Variants in DPH6 observed in about 807,000 individuals in gnomAD.
DPH6 encodes diphthamine biosynthesis 6.
In DPH6, 33 loss-of-function variants were observed where a neutral mutation model predicts 38.2. The observed-to-expected ratio is 0.86, with a 90% CI of 0.65 to 1.15. DPH6 has a LOEUF of 1.15. Ranked by LOEUF, DPH6 falls within the 50% of genes most tolerant of loss-of-function variation. The probability of loss-of-function intolerance (pLI) is 0.00; values close to 1 mark genes in which losing one functional copy is unlikely to be tolerated. For synonymous variants in DPH6, 108 were observed against 103.0 expected (o/e 1.05, Z -0.30); for missense variants, 325 against 320.0 (o/e 1.02, Z -0.12).
chr15:35,194,950 T>G, the DPH6 span, among the ~76,000 whole-genome samples: 10 of 152,242 alleles, frequency 6.6e-5, no homozygotes, highest in Non-Finnish European at 1.5e-4. Flanking sequence ...TTAGCTATTT[T>G]GAATTGTACA....
At chr15:35,473,932 G>A (rs1350492437) in intron 3 of DPH6, among the ~76,000 whole-genome samples, 2 of 61,318 alleles carry the variant, frequency 3.3e-5, no homozygotes, top group Non-Finnish European at 6.9e-5. Flanking sequence ...GTGTGTGTGT[G>A]TGTGTGTGTG....
intron 3 of DPH6, among the ~76,000 whole-genome samples, chr15:35,284,261 G>T (rs2051922583): frequency 6.6e-6 from 1 of 152,096 alleles, no homozygotes; most frequent in Non-Finnish European, 1.5e-5. Flanking sequence ...TACAAATAAT[G>T]TCTTTTCCAT....
At chr15:35,421,147 TAA>T (rs1275622226) in intron 5 of DPH6, among the ~76,000 whole-genome samples, 2 of 152,142 alleles carry the variant, frequency 1.3e-5, no homozygotes, top group African/African-American at 4.8e-5. Flanking sequence ...AATCAGTCAT[TAA>T]AAGTCTCCCA....
At chr15:35,366,255 TG>T (rs2052658403), downstream of DPH6, among the ~76,000 whole-genome samples, 1 of 151,272 alleles carries the variant, frequency 6.6e-6, no homozygotes, top group Non-Finnish European at 1.5e-5. Flanking sequence ...TGTGTGTGTG[TG>T]TGTGTGTATA....
rs12437915 is a variant in DPH6, at chr15:35,325,340, A to G, written n.200+48181T>C. Among the ~76,000 whole-genome samples, 2,830 of 152,292 alleles carry G rather than the reference A, an allele frequency of 0.019. 312 individuals are homozygous for G. The East Asian group carries it at 0.33, about 18-fold the overall frequency. On this transcript the variant is annotated intron_variant and non_coding_transcript_variant, in intron 3 of 3. Transcript: ENST00000560386. ...TATCAAGACTTACTTAAAAGCTACTATAATTCAGACACTGTGTTACTAGAA... is the reference window on the plus strand; with the variant it reads ...TATCAAGACTTACTTAAAAGCTACTGTAATTCAGACACTGTGTTACTAGAA...
chr15:35,298,751 A>G, intron 3 of DPH6: 1 of 1,515,878 alleles, frequency 6.6e-7, no homozygotes, highest in Middle Eastern at 1.9e-4. Flanking sequence ...CGTGCCCCCC[A>G]AGTTAGCGAG....
At chr15:35,182,238 T>A in the DPH6 span, among the ~76,000 whole-genome samples, 4 of 125,368 alleles carry the variant, frequency 3.2e-5, no homozygotes, top group African/African-American at 1.8e-4. Context: ...TTTTTTTTTT[T>A]TTTTTTTTTT....
At chr15:35,373,743 T>G in intron 7 of DPH6, 135 bp from the exon 8 acceptor site, 1 of 521,658 alleles carries the variant, frequency 1.9e-6, no homozygotes, top group Non-Finnish European at 3.1e-6. Flanking sequence ...TAGTGATTAA[T>G]AAATATTTTT....
intron 3 of DPH6, among the ~76,000 whole-genome samples, chr15:35,222,295 C>G (rs1043416340): frequency 1.3e-5 from 2 of 152,192 alleles, no homozygotes; most frequent in African/African-American, 4.8e-5. Flanking sequence ...GTTCCAAAGT[C>G]ACTTCCATAA....
intron 3 of DPH6, among the ~76,000 whole-genome samples, chr15:35,252,090 C>T (rs1302567954): frequency 6.6e-6 from 1 of 152,244 alleles, no homozygotes; most frequent in African/African-American, 2.4e-5. Flanking sequence ...CATTGCACTC[C>T]AGCCTGGGCA....
intron 3 of DPH6, among the ~76,000 whole-genome samples, chr15:35,282,222 A>T (rs1020856543): frequency 6.6e-6 from 1 of 152,178 alleles, no homozygotes; most frequent in African/African-American, 2.4e-5. Flanking sequence ...CTCAGGCTGA[A>T]GTGCAGCAGT....
the DPH6 span, among the ~76,000 whole-genome samples, chr15:35,207,711 T>C: frequency 0.043 from 6,537 of 152,290 alleles, 147 homozygotes; most frequent in African/African-American, 0.058. Flanking sequence ...ATACAGTCTA[T>C]AGATTTCAAC....
At chr15:35,247,354 T>C (rs1423719237) in intron 3 of DPH6, among the ~76,000 whole-genome samples, 1 of 152,206 alleles carries the variant, frequency 6.6e-6, no homozygotes, top group Non-Finnish European at 1.5e-5. Context: ...AAAATTTCAC[T>C]GTACCTAGCA....
intron 3 of DPH6, chr15:35,521,550 A>G (rs2054922979): frequency 1.1e-5 from 14 of 1,224,570 alleles, no homozygotes; most frequent in Non-Finnish European, 1.4e-5. Flanking sequence ...GAAATCTAAG[A>G]GAAAGTGTCA....
chr15:35,542,521 CAA>C lies in DPH6; in HGVS notation c.24-16_24-15del, dbSNP rs1395404757. ...TCCTTCCCACCACTAAACAATAAAT[CAA>C]GAGAGGGACAAATATCATGCTACTG... is the stretch of plus-strand genomic sequence containing the variant. On this transcript the variant is annotated splice_polypyrimidine_tract_variant and intron_variant, in intron 1 of 8. Coordinates refer to ENST00000256538, the MANE Select transcript of DPH6 (RefSeq NM_080650.4). 4.6e-6 allele frequency: 7 copies of C among 1,534,860 alleles called. No homozygotes were observed. The highest frequency in any genetic ancestry group is 6.2e-6 in the Non-Finnish European group (7 of 1,120,622).
the DPH6 span, among the ~76,000 whole-genome samples, chr15:35,180,238 A>C: frequency 0.026 from 4,010 of 152,314 alleles, 276 homozygotes; most frequent in East Asian, 0.3. Context: ...CAAATGAATA[A>C]GTGAATAAAC....
chr15:35,482,755 T>C (rs889863378), intron 3 of DPH6, among the ~76,000 whole-genome samples: 2 of 151,944 alleles, frequency 1.3e-5, no homozygotes, highest in African/African-American at 2.4e-5. Context: ...AACTACAAAA[T>C]ATTTAGAACA....
At chr15:35,253,637 C>A (rs1367886680) in intron 3 of DPH6, among the ~76,000 whole-genome samples, 2 of 152,196 alleles carry the variant, frequency 1.3e-5, no homozygotes, top group Non-Finnish European at 2.9e-5. Flanking sequence ...CACATTTCTG[C>A]TTTCTCCCAT....
At chr15:35,260,586 AT>A (rs1482898925) in intron 3 of DPH6, among the ~76,000 whole-genome samples, 2 of 151,808 alleles carry the variant, frequency 1.3e-5, no homozygotes, top group African/African-American at 2.4e-5. Flanking sequence ...TTATAAAAAA[AT>A]GTTTTTCCTG....
Sources: gnomAD v4.1 joint callset for allele counts (sites outside exome capture counted in the v4.1 genomes callset) on GRCh38, gnomAD v4.1.1 for gene constraint, MANE v1.5 for transcripts, NCBI Gene and HGNC (gene_info 2026-07-23, HGNC 2026-07-21) for gene names.